Variants in FGD4 observed in about 807,000 individuals in gnomAD.
FGD4 encodes the protein FYVE, RhoGEF and PH domain containing 4, also known as FYVE, RhoGEF and PH domain-containing protein 4.
FGD4 carries 42 observed loss-of-function variants against 102.0 expected under a neutral mutation model. That is an observed-to-expected ratio of 0.41 (90% confidence interval 0.32 to 0.53). The LOEUF is 0.53. Among genes scored for constraint, FGD4 ranks in the 20% least tolerant of loss-of-function variants. FGD4 has a pLI of 0.21. For synonymous variants in FGD4, 380 were observed against 375.7 expected (o/e 1.01, Z -0.13); for missense variants, 902 against 1,078.2 (o/e 0.84, Z 2.29).
intron 1 of FGD4, among the ~76,000 whole-genome samples, chr12:32,428,078 G>A (rs1941911294): frequency 1.3e-5 from 2 of 152,094 alleles, no homozygotes; most frequent in African/African-American, 2.4e-5. Flanking sequence ...GGTTAGTATT[G>A]TTATGTGTGA....
chr12:32,472,886 A>G (rs964394088), intron 1 of FGD4, among the ~76,000 whole-genome samples: 1 of 151,998 alleles, frequency 6.6e-6, no homozygotes, highest in East Asian at 1.9e-4. Context: ...TCTGGTGAGG[A>G]CGTGGAGAAC....
chr12:32,527,021 T>C (rs1326995280), intron 1 of FGD4, among the ~76,000 whole-genome samples: 1 of 152,106 alleles, frequency 6.6e-6, no homozygotes, highest in African/African-American at 2.4e-5. Context: ...AGATTAATGG[T>C]AAAGGGCAGA....
intron 1 of FGD4, among the ~76,000 whole-genome samples, chr12:32,512,551 A>G (rs1472168439): frequency 6.6e-6 from 1 of 152,020 alleles, no homozygotes; most frequent in Non-Finnish European, 1.5e-5. Context: ...CCAAGCCCCT[A>G]TCAGGTTTTG....
intron 1 of FGD4, among the ~76,000 whole-genome samples, chr12:32,401,924 A>G (rs1181866352): frequency 8.1e-6 from 1 of 124,106 alleles, no homozygotes; most frequent in African/African-American, 3.2e-5. Flanking sequence ...TTTTTTTGAG[A>G]CGGAGTCTGG....
In FGD4 at chr12:32,471,163, C is replaced by G. The variant is rs529859419; in HGVS notation, c.166+71204C>G. 2.6e-5 allele frequency among the ~76,000 whole-genome samples: 4 copies of G among 152,262 alleles called. No homozygotes were observed. The South Asian group carries it at 8.3e-4, about 32-fold the overall frequency. On this transcript the variant is annotated intron_variant, in intron 1 of 16. Transcript: ENST00000534526. ...CAACCCCCACACCAAGCTCTCAGGT[C>G]TTTGGCCTCAGACTGAGAATTACAT...
intron 3 of FGD4, among the ~76,000 whole-genome samples, chr12:32,579,333 C>T (rs112435526): frequency 4.9e-4 from 74 of 152,216 alleles, no homozygotes; most frequent in Admixed American, 1.0e-3. Flanking sequence ...CGTGAGCTAC[C>T]GTGCCCGGCC....
At chr12:32,604,747 C>T (rs77763147) in intron 7 of FGD4, among the ~76,000 whole-genome samples, 2 of 152,180 alleles carry the variant, frequency 1.3e-5, no homozygotes, top group Non-Finnish European at 2.9e-5. Context: ...CCCTGATGGC[C>T]CCTTCATAGT....
At chr12:32,638,086 G>T (rs1422453857) in intron 15 of FGD4, among the ~76,000 whole-genome samples, 1 of 152,200 alleles carries the variant, frequency 6.6e-6, no homozygotes, top group Non-Finnish European at 1.5e-5. Flanking sequence ...TCTGTTCTGG[G>T]CACAGTGACT....
In FGD4 at chr12:32,604,177, G is replaced by A. The variant is rs532515851; in HGVS notation, c.1404+1860G>A. The stretch of plus-strand genomic sequence containing the variant: ...AGCAGTTTAAATATGATGTGTCTGG[G>A]TGTGGACCTTTTTGTATTTGTCCTG... On this transcript the variant is annotated intron_variant, in intron 7 of 16. Coordinates refer to ENST00000534526, the MANE Select transcript of FGD4 (RefSeq NM_001370298.3). Among the ~76,000 whole-genome samples the A allele has an allele frequency of 2.6e-5, 4 of 152,228 alleles. No homozygotes were observed. The South Asian group carries it at 8.3e-4, about 32-fold the overall frequency.
At position 32,525,829 on chromosome 12, in the gene FGD4, A is replaced by G. The variant is rs559140916; in HGVS notation, c.167-38308A>G. Among the ~76,000 whole-genome samples, 891 of 152,340 alleles carry G rather than the reference A, an allele frequency of 5.8e-3. 2 individuals carry two copies. The highest frequency in any genetic ancestry group is 7.7e-3 in the African/African-American group (319 of 41,584). ...ACTTAGCACCCGGGCCAGTGGCTGC[A>G]GAGGGTGTACTGAGTCCCCCAGCAC... On this transcript the variant is annotated intron_variant, in intron 1 of 16. Coordinates refer to ENST00000534526, the MANE Select transcript of FGD4 (RefSeq NM_001370298.3).
Position 32,554,265 on chromosome 12 carries a change from T to G in FGD4, c.167-9872T>G, listed in dbSNP as rs79449297. Among the ~76,000 whole-genome samples the G allele has an allele frequency of 7.4e-3, 1,133 of 152,338 alleles. 42 individuals are homozygous for G. The East Asian group carries it at 0.13, about 17-fold the overall frequency. On this transcript the variant is annotated intron_variant, in intron 1 of 16. Coordinates refer to ENST00000534526, the MANE Select transcript of FGD4 (RefSeq NM_001370298.3). ...TATGTATAGCTTTTAACTTTTTTTTTGTTTGTTTTAACTGAATATTGAGGA... is the reference window on the plus strand; with the variant it reads ...TATGTATAGCTTTTAACTTTTTTTTGGTTTGTTTTAACTGAATATTGAGGA...
intron 1 of FGD4, among the ~76,000 whole-genome samples, chr12:32,520,571 G>C (rs2136734811): frequency 1.3e-5 from 2 of 151,954 alleles, no homozygotes; most frequent in Middle Eastern, 6.8e-3. Context: ...GAGTAGCTGG[G>C]ATGACAGGTG....
intron 3 of FGD4, among the ~76,000 whole-genome samples, chr12:32,581,258 C>G (rs1262740557): frequency 1.3e-5 from 2 of 152,174 alleles, no homozygotes; most frequent in Non-Finnish European, 2.9e-5. Context: ...AGAATGAAAT[C>G]TAATGAGGCC....
chr12:32,569,969 G>A (rs11052082), intron 2 of FGD4, among the ~76,000 whole-genome samples: 13,534 of 152,108 alleles, frequency 0.089, 775 homozygotes, highest in Middle Eastern at 0.18. Flanking sequence ...CAAGCTGGGC[G>A]TGGTGGCTCA....
intron 1 of FGD4, among the ~76,000 whole-genome samples, chr12:32,476,288 A>G (rs1345277722): frequency 2.6e-5 from 4 of 152,180 alleles, no homozygotes; most frequent in Non-Finnish European, 5.9e-5. Context: ...TTGGTTATCT[A>G]TTGTTGCATA....
At chr12:32,495,708 A>AAAG (rs79072266) in intron 1 of FGD4, among the ~76,000 whole-genome samples, 1 of 150,436 alleles carries the variant, frequency 6.6e-6, no homozygotes. Flanking sequence ...AAAAAAAAAA[A>AAAG]AAAAGAAGCT....
intron 14 of FGD4, among the ~76,000 whole-genome samples, chr12:32,632,718 T>TTATTTATTTA (rs369780455): frequency 0.012 from 1,743 of 148,520 alleles, 17 homozygotes; most frequent in Non-Finnish European, 0.019. Context: ...TATTTATTTT[T>TTATTTATTTA]TTTTTTTGAG....
At chr12:32,428,615 T>G (rs570267767) in intron 1 of FGD4, among the ~76,000 whole-genome samples, 2 of 152,344 alleles carry the variant, frequency 1.3e-5, no homozygotes, top group East Asian at 1.9e-4. Flanking sequence ...TGGCCTGCCT[T>G]GCTAGGTTGG....
At chr12:32,545,233 T>C (rs936511521) in intron 1 of FGD4, among the ~76,000 whole-genome samples, 39 of 152,186 alleles carry the variant, frequency 2.6e-4, no homozygotes, top group African/African-American at 8.7e-4. Flanking sequence ...CATATAACAC[T>C]GTGAATTTAT....
Sources: allele counts gnomAD v4.1 joint callset (sites outside exome capture counted in the v4.1 genomes callset), GRCh38; gene constraint gnomAD v4.1.1; transcripts MANE v1.5; gene names NCBI Gene and HGNC (gene_info 2026-07-23, HGNC 2026-07-21).